C10orf90: variants seen among roughly 807,000 people sequenced by gnomAD.
C10orf90 encodes (E2-independent) E3 ubiquitin-conjugating enzyme FATS.
In C10orf90, 56 loss-of-function variants were observed where a neutral mutation model predicts 62.5. The ratio of observed to expected loss-of-function variants is 0.90; its 90% CI spans 0.72 to 1.12. The LOEUF (loss-of-function observed/expected upper bound fraction) is 1.12, where lower values mean the gene tolerates loss of function less well. Among genes scored for constraint, C10orf90 ranks in the 50% most tolerant of loss-of-function variants. The pLI, the probability that C10orf90 is intolerant of heterozygous loss-of-function variation, is 0.00. For missense variants in C10orf90, 970 were observed against 880.4 expected (o/e 1.10, Z -1.29); for synonymous variants, 386 against 340.4 (o/e 1.13, Z -1.47).
intron 2 of C10orf90, among the ~76,000 whole-genome samples, chr10:126,608,328 T>G (rs2133796660): frequency 6.6e-6 from 1 of 152,108 alleles, no homozygotes; most frequent in East Asian, 1.9e-4. Flanking sequence ...CCCAGGCTGG[T>G]CTCAAACTCC....
chr10:126,607,275 A>T (rs1845333098), intron 2 of C10orf90, among the ~76,000 whole-genome samples: 1 of 152,236 alleles, frequency 6.6e-6, no homozygotes, highest in African/African-American at 2.4e-5. Context: ...ACCCTGCATA[A>T]CAAAATGGGA....
At chr10:126,561,825 C>T (rs778568557) in intron 2 of C10orf90, among the ~76,000 whole-genome samples, 4 of 152,130 alleles carry the variant, frequency 2.6e-5, no homozygotes, top group African/African-American at 7.2e-5. Flanking sequence ...TGCTGAGCGC[C>T]AGTCAACACC....
intron 2 of C10orf90, among the ~76,000 whole-genome samples, chr10:126,616,099 C>G (rs1275575757): frequency 6.6e-6 from 1 of 152,216 alleles, no homozygotes; most frequent in Non-Finnish European, 1.5e-5. Context: ...ACACAGGCCC[C>G]CCACCACCCA....
At chr10:126,536,404 T>C (rs542562609) in intron 2 of C10orf90, among the ~76,000 whole-genome samples, 51 of 152,352 alleles carry the variant, frequency 3.3e-4, no homozygotes, top group African/African-American at 1.1e-3. Context: ...TTTCCTTTCC[T>C]GACTACTGCG....
intron 2 of C10orf90, among the ~76,000 whole-genome samples, chr10:126,522,270 A>AAAACAAAC (rs113351479): frequency 7.3e-5 from 11 of 151,224 alleles, no homozygotes; most frequent in Admixed American, 1.3e-4. Context: ...CTCCATTTCA[A>AAAACAAAC]AAACAAACAA....
At chr10:126,492,656 A>G (rs1225570070) in intron 4 of C10orf90, among the ~76,000 whole-genome samples, 1 of 152,266 alleles carries the variant, frequency 6.6e-6, no homozygotes, top group Non-Finnish European at 1.5e-5. Context: ...ATACAGATGT[A>G]CAACAAACAT....
intron 4 of C10orf90, among the ~76,000 whole-genome samples, chr10:126,480,963 G>A (rs921770701): frequency 2.6e-5 from 4 of 151,898 alleles, no homozygotes; most frequent in Non-Finnish European, 5.9e-5. Flanking sequence ...TGGTGTGATC[G>A]GGCCTCTGCT....
At chr10:126,622,517 A>T (rs1023755751) in intron 2 of C10orf90, among the ~76,000 whole-genome samples, 2 of 152,220 alleles carry the variant, frequency 1.3e-5, no homozygotes, top group African/African-American at 2.4e-5. Context: ...AGGAGGTACC[A>T]CTGCTAACGG....
intron 2 of C10orf90, among the ~76,000 whole-genome samples, chr10:126,641,156 A>C (rs772027620): frequency 4.1e-4 from 63 of 152,224 alleles, no homozygotes; most frequent in Non-Finnish European, 5.3e-4. Context: ...CTTCTGGAAG[A>C]GAAAATAAAT....
intron 2 of C10orf90, among the ~76,000 whole-genome samples, chr10:126,526,580 A>G (rs1004794954): frequency 1.6e-4 from 24 of 152,118 alleles, no homozygotes; most frequent in Middle Eastern, 3.4e-3. Flanking sequence ...TTGAGATATA[A>G]TTTACAAGCC....
intron 7 of C10orf90, among the ~76,000 whole-genome samples, chr10:126,437,496 A>C (rs1857999828): frequency 6.6e-6 from 1 of 152,156 alleles, no homozygotes; most frequent in African/African-American, 2.4e-5. Flanking sequence ...CCTTGATAGA[A>C]TGTAGTAAGA....
chr10:126,633,400 G>GC (rs1845888508), intron 2 of C10orf90, among the ~76,000 whole-genome samples: 1 of 152,244 alleles, frequency 6.6e-6, no homozygotes, highest in Non-Finnish European at 1.5e-5. Flanking sequence ...CAGGAGACAG[G>GC]CCTGATCCAC....
At chr10:126,625,193 G>A (rs1004098893) in intron 2 of C10orf90, among the ~76,000 whole-genome samples, 24 of 152,082 alleles carry the variant, frequency 1.6e-4, no homozygotes, top group Admixed American at 1.3e-3. Flanking sequence ...TCAAGCCCAC[G>A]CTGGACCCCC....
intron 2 of C10orf90, among the ~76,000 whole-genome samples, chr10:126,514,171 T>A (rs577490894): frequency 6.6e-6 from 1 of 152,204 alleles, no homozygotes; most frequent in South Asian, 2.1e-4. Flanking sequence ...TCTTCTTCCA[T>A]ATGATCGTTT....
chr10:126,550,114 C>G (rs569326221), intron 2 of C10orf90, among the ~76,000 whole-genome samples: 1 of 152,066 alleles, frequency 6.6e-6, no homozygotes, highest in African/African-American at 2.4e-5. Context: ...CGCCACCACG[C>G]CTGGCTAATT....
rs555791663 is a variant in C10orf90, at chr10:126,429,662, C to A, written c.2252+125G>T. ...TTTAGCCGTTTTTTCAGATTTGCAG[C>A]CAAAAAGACCTCAGACCTTAAACAT... On this transcript the variant is annotated intron_variant, in intron 8 of 9. Coordinates refer to ENST00000488181, the MANE Select transcript of C10orf90 (RefSeq NM_001350921.2). The A allele has an allele frequency of 2.5e-5, 18 of 728,546 alleles. No individual in the cohort carries two copies. The Admixed American group carries it at 2.6e-4, about 11-fold the overall frequency. The allele number at this position is 728,546 out of a possible 1,614,324, so 45.1% of individuals were successfully genotyped here. A position where few individuals can be genotyped will look rare whatever the true frequency, so the allele number is the denominator to read the frequency against.
chr10:126,596,753 G>A (rs1187832092), intron 2 of C10orf90, among the ~76,000 whole-genome samples: 1 of 152,182 alleles, frequency 6.6e-6, no homozygotes, highest in African/African-American at 2.4e-5. Context: ...CCGAAGTATA[G>A]TTTCTATTGA....
At chr10:126,609,464 A>G (rs1030167453) in intron 2 of C10orf90, among the ~76,000 whole-genome samples, 3 of 152,246 alleles carry the variant, frequency 2.0e-5, no homozygotes, top group African/African-American at 4.8e-5. Context: ...TAAGCCCTCA[A>G]TGATGCTGGC....
chr10:126,606,183 C>T (rs778764624), intron 2 of C10orf90, among the ~76,000 whole-genome samples: 1 of 152,158 alleles, frequency 6.6e-6, no homozygotes, highest in African/African-American at 2.4e-5. Flanking sequence ...CAAGACAATA[C>T]CCTCAGGAAT....
Sources: allele counts gnomAD v4.1 joint callset (sites outside exome capture counted in the v4.1 genomes callset), GRCh38; gene constraint gnomAD v4.1.1; transcripts MANE v1.5; gene names NCBI Gene and HGNC (gene_info 2026-07-23, HGNC 2026-07-21).